Variants in ACAP2 observed in about 807,000 individuals in gnomAD.
ACAP2 encodes arf-GAP with coiled-coil, ANK repeat and PH domain-containing protein 2.
In ACAP2, 39 loss-of-function variants were observed where a neutral mutation model predicts 115.8. That is an observed-to-expected ratio of 0.34 (90% CI 0.26 to 0.44). The LOEUF is 0.44. ACAP2 is among the 20% of genes least tolerant of loss of function. The probability of loss-of-function intolerance (pLI) is 1.00; values close to 1 mark genes in which losing one functional copy is unlikely to be tolerated. For missense variants in ACAP2, 662 were observed against 927.6 expected (o/e 0.71, Z 3.72); for synonymous variants, 289 against 315.8 (o/e 0.92, Z 0.90).
chr3:195,367,595 T>G (rs1732815084), intron 4 of ACAP2, among the ~76,000 whole-genome samples: 1 of 152,164 alleles, frequency 6.6e-6, no homozygotes, highest in South Asian at 2.1e-4. Context: ...ACCCTGAATC[T>G]GGGGTGGCTC....
intron 18 of ACAP2, among the ~76,000 whole-genome samples, chr3:195,292,702 A>C (rs564409583): frequency 2.6e-5 from 4 of 152,066 alleles, no homozygotes; most frequent in Non-Finnish European, 5.9e-5. Flanking sequence ...GGGGTGGATC[A>C]CTTGAGGTCA....
chr3:195,324,622 C>T (rs537978947), intron 9 of ACAP2, among the ~76,000 whole-genome samples: 4 of 152,128 alleles, frequency 2.6e-5, no homozygotes, highest in East Asian at 1.9e-4. Flanking sequence ...GGCATGGTGG[C>T]GTGCAGCTGT....
At chr3:195,320,169 G>T (rs942720327) in intron 10 of ACAP2, among the ~76,000 whole-genome samples, 1 of 152,164 alleles carries the variant, frequency 6.6e-6, no homozygotes, top group Admixed American at 6.5e-5. Context: ...GGAGAACTGT[G>T]AACCAATTAA....
chr3:195,333,240 G>T, intron 7 of ACAP2, 117 bp from the exon 8 acceptor site: 1 of 445,910 alleles, frequency 2.2e-6, no homozygotes, highest in Non-Finnish European at 3.6e-6. Flanking sequence ...TTGCTCTGTC[G>T]CCCAGACCTG....
chr3:195,307,140 G>A, intron 12 of ACAP2, 83 bp downstream of exon 12: 1 of 1,092,106 alleles, frequency 9.2e-7, no homozygotes, highest in South Asian at 1.4e-5. Flanking sequence ...ACAGACAAAT[G>A]CAAATTTCTC....
intron 4 of ACAP2, 114 bp from the exon 5 acceptor site, chr3:195,345,431 T>C (rs1181286424): frequency 1.5e-6 from 1 of 659,084 alleles, no homozygotes; most frequent in African/African-American, 1.8e-5. Flanking sequence ...ACCGTCTATA[T>C]CTCTTCTTGA....
intron 9 of ACAP2, among the ~76,000 whole-genome samples, chr3:195,323,846 T>A (rs1729603162): frequency 6.6e-6 from 1 of 151,820 alleles, no homozygotes; most frequent in African/African-American, 2.4e-5. Context: ...TAGTATTTGA[T>A]AGCACAACAG....
At chr3:195,313,778 TTA>T (rs1026184196) in intron 10 of ACAP2, among the ~76,000 whole-genome samples, 5 of 152,310 alleles carry the variant, frequency 3.3e-5, no homozygotes, top group African/African-American at 4.8e-5. Context: ...ACTAAATAAA[TTA>T]TGTTAGTATC....
In ACAP2 at chr3:195,274,865, C is replaced by T. The variant is rs994761723; in HGVS notation, c.*4463G>A. The T allele has an allele frequency of 6.6e-6, 1 of 152,634 alleles. No homozygotes were observed. 9.5% of individuals were successfully genotyped at this position (152,634 alleles called of 1,614,324 possible). ...AAGATAATGTACTTTGCTCCATTTA[C>T]AATGACAAACTACTGTAAAACTACA... is the stretch of plus-strand genomic sequence containing the variant. On this transcript the variant is annotated 3_prime_UTR_variant, in exon 23 of 23. Transcript: ENST00000326793.
chr3:195,325,720 A>C (rs1729751154), intron 9 of ACAP2, among the ~76,000 whole-genome samples: 1 of 152,116 alleles, frequency 6.6e-6, no homozygotes, highest in South Asian at 2.1e-4. Context: ...ATGATATCTC[A>C]TTTTAATTAA....
intron 21 of ACAP2, among the ~76,000 whole-genome samples, chr3:195,286,491 A>G (rs1035186538): frequency 1.3e-5 from 2 of 152,186 alleles, no homozygotes; most frequent in African/African-American, 4.8e-5. Flanking sequence ...ATAGGCAAAT[A>G]TTGTGTTTGG....
intron 15 of ACAP2, among the ~76,000 whole-genome samples, chr3:195,301,243 G>A (rs1170642356): frequency 2.6e-5 from 4 of 151,872 alleles, no homozygotes; most frequent in South Asian, 2.1e-4. Context: ...CCGCCACCAC[G>A]CCTGGCTAAT....
intron 1 of ACAP2, among the ~76,000 whole-genome samples, chr3:195,427,515 T>A (rs948519829): frequency 1.3e-5 from 2 of 152,142 alleles, no homozygotes; most frequent in African/African-American, 2.4e-5. Context: ...ACACCTAAGG[T>A]ACAAGGTATA....
intron 10 of ACAP2, among the ~76,000 whole-genome samples, chr3:195,317,033 G>C (rs1729139470): frequency 6.7e-6 from 1 of 150,274 alleles, no homozygotes. Flanking sequence ...GAGTAGCTGG[G>C]ATTATAGGCA....
intron 17 of ACAP2, 75 bp downstream of exon 17, chr3:195,295,633 T>A: frequency 6.7e-7 from 1 of 1,496,562 alleles, no homozygotes; most frequent in Non-Finnish European, 9.2e-7. Flanking sequence ...CGACAATGGC[T>A]ATTAGTTCAG....
intron 6 of ACAP2, among the ~76,000 whole-genome samples, chr3:195,339,493 A>G (rs1730732362): frequency 6.7e-6 from 1 of 149,772 alleles, no homozygotes. Context: ...TAGGATTTTT[A>G]TATTATATAA....
intron 1 of ACAP2, among the ~76,000 whole-genome samples, chr3:195,437,025 C>T (rs183146843): frequency 5.3e-4 from 81 of 152,234 alleles, no homozygotes; most frequent in Middle Eastern, 3.4e-3. Context: ...CCATAAACAA[C>T]GCAAATTTAA....
In ACAP2 at chr3:195,279,012, T is replaced by C. The variant is rs182606387; in HGVS notation, c.*316A>G. 320 of 189,206 alleles carry C rather than the reference T, an allele frequency of 1.7e-3. No homozygotes were observed. Among genetic ancestry groups the C allele is most frequent in the Non-Finnish European group, 2.9e-3 (269 of 92,838 alleles). The allele number at this position is 189,206 out of a possible 1,614,324, so 11.7% of individuals were successfully genotyped here. The stretch of plus-strand genomic sequence containing the variant: ...GGAAAAAAATCAATGCCACCACCCA[T>C]TGGCAAAAGAATCACTTTTGTCTAA... On this transcript the variant is annotated 3_prime_UTR_variant, in exon 23 of 23. Transcript: ENST00000326793.
intron 22 of ACAP2, among the ~76,000 whole-genome samples, chr3:195,283,681 T>G (rs1229086855): frequency 6.6e-6 from 1 of 152,210 alleles, no homozygotes; most frequent in East Asian, 1.9e-4. Flanking sequence ...CATTTCACCA[T>G]GTCCCCTGTC....
Sources: gnomAD v4.1 joint callset for allele counts (sites outside exome capture counted in the v4.1 genomes callset) on GRCh38, gnomAD v4.1.1 for gene constraint, MANE v1.5 for transcripts, NCBI Gene and HGNC (gene_info 2026-07-23, HGNC 2026-07-21) for gene names.